The following NR1H2 variants were observed in gnomAD, a reference collection of about 807,000 sequenced individuals.
NR1H2 encodes the protein nuclear receptor subfamily 1 group H member 2, also known as oxysterols receptor LXR-beta.
A neutral mutation model predicts 51.2 loss-of-function variants in NR1H2; 33 were observed. The ratio of observed to expected loss-of-function variants is 0.64; its 90% CI spans 0.49 to 0.86. The LOEUF is 0.86. Ranked by LOEUF, NR1H2 falls within the 40% of genes least tolerant of loss-of-function variation. The pLI is 0.00. For missense variants in NR1H2, 592 were observed against 639.9 expected, an observed-to-expected ratio of 0.93 and a Z score of 0.81; for synonymous variants, 310 against 264.3, an observed-to-expected ratio of 1.17 and a Z score of -1.68.
chr19:50,381,871 G>A (rs924294567), intron 8 of NR1H2, 95 bp from the exon 9 acceptor site: 2 of 1,095,952 alleles, frequency 1.8e-6, no homozygotes. Context: ...TTACTGCTGT[G>A]TTCCCAGCCC....
chr19:50,379,968 T>G, intron 8 of NR1H2, 89 bp downstream of exon 8: 1 of 865,980 alleles, frequency 1.2e-6, no homozygotes, highest in South Asian at 1.4e-5. Flanking sequence ...AGTCTCTGTT[T>G]CTTTATCTCC....
chr19:50,381,427 C>G (rs961314288), intron 8 of NR1H2, among the ~76,000 whole-genome samples: 5 of 152,260 alleles, frequency 3.3e-5, no homozygotes, highest in African/African-American at 1.2e-4. Flanking sequence ...ATTGAACTCA[C>G]AGCCCTCTGA....
At chr19:50,379,213 G>A (rs753667928) in intron 7 of NR1H2, 32 bp downstream of exon 7, 1 of 1,591,404 alleles carries the variant, frequency 6.3e-7, no homozygotes, top group Non-Finnish European at 8.6e-7. Context: ...AGGAACCCCA[G>A]AGATAGCTCC....
Position 50,382,881 on chromosome 19 carries a change from T to C in NR1H2, c.*279T>C. The stretch of plus-strand genomic sequence containing the variant: ...CCTCAAGCCCAGCACGCAGTGCACC[T>C]TGAACAGAGGGAGGGGAGGACCCAT... On this transcript the variant is annotated 3_prime_UTR_variant, in exon 10 of 10. Transcript: ENST00000253727. The C allele has an allele frequency of 3.0e-6, 1 of 334,666 alleles. No individual in the cohort carries two copies. Among genetic ancestry groups the C allele is most frequent in the Non-Finnish European group, 5.5e-6 (1 of 183,064 alleles). 20.7% of individuals were successfully genotyped at this position (334,666 alleles called of 1,614,324 possible).
rs774563593 is a variant in NR1H2 at position 50,377,701 on chromosome 19, C to T, written c.44-32C>T. 4.4e-6 allele frequency: 7 copies of T among 1,604,258 alleles called. No individual in the cohort carries two copies. The African/African-American group carries it at 8.0e-5, about 18-fold the overall frequency. ...CTTATCACACACGAGCAGAAGCTCA[C>T]TGTACCTCTCCCGGATTCCACCCTC... On this transcript the variant is annotated intron_variant, in intron 3 of 9. Transcript: ENST00000253727.
At position 50,381,753 on chromosome 19, in the gene NR1H2, T is replaced by C. The variant is rs111535789; in HGVS notation, c.1028-213T>C. Reference sequence around the variant, plus strand: ...GATAGTAGAAAATACTGAAGAAACATGCACCCTCATTCATTCCTTCACTGG... The same window carrying C: ...GATAGTAGAAAATACTGAAGAAACACGCACCCTCATTCATTCCTTCACTGG... On this transcript the variant is annotated intron_variant, in intron 8 of 9. Coordinates refer to ENST00000253727, the MANE Select transcript of NR1H2 (RefSeq NM_007121.7). Among the ~76,000 whole-genome samples the C allele has an allele frequency of 5.6e-3, 857 of 152,302 alleles. 12 individuals carry two copies. Among genetic ancestry groups the C allele is most frequent in the African/African-American group, 0.02 (831 of 41,560 alleles).
Position 50,379,024 on chromosome 19 carries a change from C to G in NR1H2, c.770C>G (p.Pro257Arg), listed in dbSNP as rs540260398. 6.2e-7 allele frequency: 1 copy of G among 1,611,998 alleles called. No individual in the cohort carries two copies. The highest frequency in any genetic ancestry group is 1.1e-5 in the South Asian group (1 of 90,930). The change falls in exon 7 of 10, where the codon CCC becomes CGC. Residue 257 changes from proline (P) to arginine (R), a missense_variant. Coordinates refer to ENST00000253727, the MANE Select transcript of NR1H2 (RefSeq NM_007121.7). ...KVTPWPLGADPQSRDARQQRF... is the reference protein window; with the variant it reads ...KVTPWPLGADRQSRDARQQRF... ...CAGCCCTGGCCCCTGGGCGCAGACC[C>G]CCAGTCCCGAGATGCCCGCCAGCAA...
intron 8 of NR1H2, 47 bp from the exon 9 acceptor site, chr19:50,381,919 G>A: frequency 1.4e-6 from 2 of 1,481,206 alleles, no homozygotes; most frequent in Non-Finnish European, 1.8e-6. Context: ...AGGATGTGGG[G>A]CACGGTTTCG....
chr19:50,382,717 C>G lies in NR1H2; in HGVS notation c.*115C>G, dbSNP rs773457923. 1 of 1,118,916 alleles carries G rather than the reference C, an allele frequency of 8.9e-7. No homozygotes were observed. The highest frequency in any genetic ancestry group is 1.2e-6 in the Non-Finnish European group (1 of 802,222). The allele number at this position is 1,118,916 out of a possible 1,614,324, so 69.3% of individuals were successfully genotyped here. ...CCCTGGGCCGAGCCTGTAGACCTATCGGCTCTCATCCCTTGGGATAAGCCC... is the reference window on the plus strand; with the variant it reads ...CCCTGGGCCGAGCCTGTAGACCTATGGGCTCTCATCCCTTGGGATAAGCCC... On this transcript the variant is annotated 3_prime_UTR_variant, in exon 10 of 10. Coordinates refer to ENST00000253727, the MANE Select transcript of NR1H2 (RefSeq NM_007121.7).
rs746240712 is a variant in NR1H2, at chr19:50,382,870, C to T, written c.*268C>T. On this transcript the variant is annotated 3_prime_UTR_variant, in exon 10 of 10. Coordinates refer to ENST00000253727, the MANE Select transcript of NR1H2 (RefSeq NM_007121.7). ...CCCAGCTTACACCTCAAGCCCAGCA[C>T]GCAGTGCACCTTGAACAGAGGGAGG... 2.4e-5 allele frequency: 9 copies of T among 377,704 alleles called. No individual in the cohort carries two copies. Among genetic ancestry groups the T allele is most frequent in the Admixed American group, 1.3e-4 (3 of 23,916 alleles). 23.4% of individuals were successfully genotyped at this position (377,704 alleles called of 1,614,324 possible). A position where few individuals can be genotyped will look rare whatever the true frequency, so the allele number is the denominator to read the frequency against.
chr19:50,379,169 A>C lies in NR1H2; in HGVS notation c.915A>C (p.Ala305=), dbSNP rs771595734. ...GREDQIALLK[A]STIEIMLLET... ...AGGACCAGATCGCCCTCCTGAAGGC[A>C]TCCACTATCGAGGTAATGGTCCATC... Residue 305 remains alanine (A), a synonymous_variant, in exon 7 of 10, where the codon GCA becomes GCC. Coordinates refer to ENST00000253727, the MANE Select transcript of NR1H2 (RefSeq NM_007121.7). 6.2e-7 allele frequency: 1 copy of C among 1,611,932 alleles called. No homozygotes were observed. Among genetic ancestry groups the C allele is most frequent in the Non-Finnish European group, 8.5e-7 (1 of 1,178,964 alleles).
rs537355190 is a variant in NR1H2 at position 50,378,876 on chromosome 19, A to C, written c.747+80A>C. ...TGGGCCATCACCCAGGGTGTGGGAGAATGAGGCTCCAGAGGGCAGGGGCTT... is the reference window on the plus strand; with the variant it reads ...TGGGCCATCACCCAGGGTGTGGGAGCATGAGGCTCCAGAGGGCAGGGGCTT... On this transcript the variant is annotated intron_variant, in intron 6 of 9. Coordinates refer to ENST00000253727, the MANE Select transcript of NR1H2 (RefSeq NM_007121.7). The C allele has an allele frequency of 5.1e-4, 796 of 1,566,148 alleles. 1 individual carries two copies. The highest frequency in any genetic ancestry group is 1.8e-3 in the South Asian group (149 of 83,034).
intron 9 of NR1H2, 41 bp downstream of exon 9, chr19:50,382,215 C>T: frequency 6.8e-7 from 1 of 1,475,276 alleles, no homozygotes; most frequent in South Asian, 1.3e-5. Context: ...CAACTACGTC[C>T]CGCGGCCCAC....
At chr19:50,377,323 AAGC>A in intron 2 of NR1H2, 1 of 422,626 alleles carries the variant, frequency 2.4e-6, no homozygotes, top group Non-Finnish European at 4.1e-6. Context: ...TACCTAGAAA[AAGC>A]AGGTGGATTG....
chr19:50,379,697 G>A (rs1055950057), intron 7 of NR1H2, 83 bp from the exon 8 acceptor site: 1 of 829,042 alleles, frequency 1.2e-6, no homozygotes, highest in Non-Finnish European at 2.1e-6. Context: ...GGTGAGATTA[G>A]ACCCCCATTT....
At chr19:50,378,000 T>C in intron 4 of NR1H2, 130 bp downstream of exon 4, 1 of 1,428,486 alleles carries the variant, frequency 7.0e-7, no homozygotes, top group Non-Finnish European at 9.4e-7. Context: ...CATATACATC[T>C]TTCTAAATTG....
At chr19:50,377,347 G>A (rs902841151) in intron 2 of NR1H2, 5 of 462,202 alleles carry the variant, frequency 1.1e-5, no homozygotes, top group Non-Finnish European at 1.5e-5. Flanking sequence ...GACCTGAGGG[G>A]GCGGGGCCTA....
intron 8 of NR1H2, among the ~76,000 whole-genome samples, chr19:50,381,431 C>T (rs1206653434): frequency 1.3e-5 from 2 of 152,252 alleles, no homozygotes; most frequent in East Asian, 3.8e-4. Context: ...AACTCACAGC[C>T]CTCTGACAGG....
In NR1H2 at chr19:50,378,715, T is replaced by G. The variant is rs1442125671; in HGVS notation, c.666T>G (p.Ala222=). Residue 222 remains alanine (A), a synonymous_variant, in exon 6 of 10, where the codon GCT becomes GCG. Transcript: ENST00000253727. ...GCGAGGGTGTCCAGCTAACAGCGGC[T>G]CAAGAACTAATGATCCAGCAGTTGG... is the stretch of plus-strand genomic sequence containing the variant. ...GEGEGVQLTA[A]QELMIQQLVA... is the part of the protein sequence containing the mutation. 18 of 1,613,700 alleles carry G rather than the reference T, an allele frequency of 1.1e-5. No individual in the cohort carries two copies. In the Admixed American group the frequency reaches 3.0e-4, roughly 27 times the overall value.
Sources: gnomAD v4.1 joint callset for allele counts (sites outside exome capture counted in the v4.1 genomes callset) on GRCh38, gnomAD v4.1.1 for gene constraint, MANE v1.5 for transcripts, NCBI Gene and HGNC (gene_info 2026-07-23, HGNC 2026-07-21) for gene names.